The following CFAP61 variants were observed in gnomAD, a reference collection of about 807,000 sequenced individuals.
CFAP61 encodes the protein cilia and flagella associated protein 61, also known as cilia- and flagella-associated protein 61.
Under a neutral mutation model 135.6 loss-of-function variants are expected in CFAP61, and 107 were observed. That is an observed-to-expected ratio of 0.79 (90% CI 0.67 to 0.93). The LOEUF (loss-of-function observed/expected upper bound fraction) is 0.93, where lower values mean the gene tolerates loss of function less well. Ranked by LOEUF, CFAP61 falls within the 40% of genes least tolerant of loss-of-function variation. The probability of loss-of-function intolerance (pLI) is 0.00; values close to 1 mark genes in which losing one functional copy is unlikely to be tolerated. For missense variants in CFAP61, 1,507 were observed against 1,556.2 expected, an observed-to-expected ratio of 0.97 and a Z score of 0.53; for synonymous variants, 575 against 578.5, an observed-to-expected ratio of 0.99 and a Z score of 0.09.
At chr20:20,131,351 A>G (rs1488793164) in intron 8 of CFAP61, among the ~76,000 whole-genome samples, 1 of 125,940 alleles carries the variant, frequency 7.9e-6, no homozygotes, top group Non-Finnish European at 1.8e-5. Context: ...CCTATTTGTT[A>G]TATTTGGTAG....
chr20:20,205,527 C>T (rs1772349429), intron 17 of CFAP61, among the ~76,000 whole-genome samples: 2 of 152,204 alleles, frequency 1.3e-5, no homozygotes, highest in Non-Finnish European at 1.5e-5. Flanking sequence ...TGGCTTGATA[C>T]AGATCTTGTT....
chr20:20,237,953 G>T (rs748645322), intron 18 of CFAP61, among the ~76,000 whole-genome samples: 5 of 151,758 alleles, frequency 3.3e-5, no homozygotes, highest in South Asian at 2.1e-4. Context: ...CAGTGTTGGT[G>T]AGTATTTTCA....
intron 4 of CFAP61, 62 bp downstream of exon 4, chr20:20,074,440 A>AT: frequency 7.0e-7 from 1 of 1,422,788 alleles, no homozygotes; most frequent in Non-Finnish European, 9.9e-7. Context: ...GTTTTGAAAT[A>AT]TTTTTTAAAA....
At chr20:20,259,245 CTTTTTTTTTTT>C (rs3060665) in intron 20 of CFAP61, among the ~76,000 whole-genome samples, 3 of 75,944 alleles carry the variant, frequency 4.0e-5, no homozygotes, top group African/African-American at 1.7e-4. Context: ...GCCCTTCCAT[CTTTTTTTTTTT>C]TTTTTTTTTT....
chr20:20,177,164 T>G (rs982282822), intron 13 of CFAP61, among the ~76,000 whole-genome samples: 16 of 152,166 alleles, frequency 1.1e-4, no homozygotes, highest in Non-Finnish European at 4.4e-5. Flanking sequence ...TTTTTTTCTA[T>G]TTATACCAAG....
chr20:20,228,717 T>G (rs2048916203), intron 18 of CFAP61: 2 of 177,092 alleles, frequency 1.1e-5, no homozygotes, highest in Non-Finnish European at 2.4e-5. Flanking sequence ...CCATATGGCC[T>G]TCAGTGCCTA....
chr20:20,286,010 G>A (rs1367831034), intron 22 of CFAP61, among the ~76,000 whole-genome samples: 5 of 88,682 alleles, frequency 5.6e-5, no homozygotes, highest in Non-Finnish European at 4.6e-5. Context: ...AATTGAAAAA[G>A]CAAACTTAAA....
At chr20:20,286,017 T>TAAAA (rs11473095) in intron 22 of CFAP61, among the ~76,000 whole-genome samples, 4 of 143,492 alleles carry the variant, frequency 2.8e-5, no homozygotes, top group Admixed American at 1.4e-4. Context: ...AAAGCAAACT[T>TAAAA]AAAAAAAAAA....
chr20:20,322,450 G>A (rs1458909056), intron 25 of CFAP61, among the ~76,000 whole-genome samples: 3 of 152,162 alleles, frequency 2.0e-5, no homozygotes, highest in Non-Finnish European at 4.4e-5. Context: ...CTCCATTTCT[G>A]AGCCTGATTT....
intron 6 of CFAP61, among the ~76,000 whole-genome samples, chr20:20,082,288 A>G (rs1222299179): frequency 6.6e-6 from 1 of 152,238 alleles, no homozygotes; most frequent in African/African-American, 2.4e-5. Context: ...ATTATCCTTC[A>G]GCCATTTGGC....
intron 25 of CFAP61, among the ~76,000 whole-genome samples, chr20:20,308,761 G>A (rs915637704): frequency 3.9e-5 from 6 of 152,118 alleles, no homozygotes; most frequent in Non-Finnish European, 5.9e-5. Context: ...GCACATCTTC[G>A]TAAAATCGCT....
intron 25 of CFAP61, among the ~76,000 whole-genome samples, chr20:20,315,887 A>G (rs1192750987): frequency 6.6e-6 from 1 of 152,094 alleles, no homozygotes; most frequent in Non-Finnish European, 1.5e-5. Flanking sequence ...GTTCTGTTCC[A>G]TTGATCTGGA....
intron 6 of CFAP61, among the ~76,000 whole-genome samples, chr20:20,084,122 G>A (rs1246098390): frequency 1.3e-5 from 2 of 152,106 alleles, no homozygotes; most frequent in African/African-American, 2.4e-5. Flanking sequence ...GGTGTTCATG[G>A]TAAAAAGTTG....
At chr20:20,251,806 C>T in intron 20 of CFAP61, 43 bp downstream of exon 20, 2 of 1,597,014 alleles carry the variant, frequency 1.3e-6, no homozygotes, top group South Asian at 1.1e-5. Flanking sequence ...GTCTGGAGAG[C>T]TCCATGAAAG....
At chr20:20,268,071 C>G (rs2052937660) in intron 21 of CFAP61, among the ~76,000 whole-genome samples, 1 of 152,208 alleles carries the variant, frequency 6.6e-6, no homozygotes, top group African/African-American at 2.4e-5. Context: ...CATTTCAGTC[C>G]TTGCTTTTTC....
chr20:20,076,797 C>G (rs1372368104), intron 6 of CFAP61, among the ~76,000 whole-genome samples: 1 of 152,174 alleles, frequency 6.6e-6, no homozygotes, highest in African/African-American at 2.4e-5. Context: ...GTTTGTAATG[C>G]TGGCATCGGA....
rs146323048 is a variant in CFAP61, at chr20:20,220,760, C to T, written c.1933-7489C>T. Among the ~76,000 whole-genome samples, 222 of 152,262 alleles carry T rather than the reference C, an allele frequency of 1.5e-3. 2 individuals carry two copies. The highest frequency in any genetic ancestry group is 4.4e-3 in the East Asian group (23 of 5,184). ...CAATTTTTGTTCTCTAAGAACTATC[C>T]ATCATTTCAGAAGGGTACTGTTTAA... is the stretch of plus-strand genomic sequence containing the variant. On this transcript the variant is annotated intron_variant, in intron 17 of 26. Transcript: ENST00000245957.
At chr20:20,078,721 A>G (rs562529727) in intron 6 of CFAP61, among the ~76,000 whole-genome samples, 26 of 152,280 alleles carry the variant, frequency 1.7e-4, no homozygotes, top group African/African-American at 6.0e-4. Flanking sequence ...AGAGAGGGAG[A>G]GGAATACAGA....
chr20:20,157,416 T>C (rs764097730), intron 9 of CFAP61, among the ~76,000 whole-genome samples: 3 of 152,154 alleles, frequency 2.0e-5, no homozygotes, highest in African/African-American at 7.2e-5. Flanking sequence ...GTAATATAGG[T>C]GCTAAGGTCA....
Sources: gnomAD v4.1 joint callset for allele counts (sites outside exome capture counted in the v4.1 genomes callset) on GRCh38, gnomAD v4.1.1 for gene constraint, MANE v1.5 for transcripts, NCBI Gene and HGNC (gene_info 2026-07-23, HGNC 2026-07-21) for gene names.